The following LARGE1 variants were observed in gnomAD, a reference collection of about 807,000 sequenced individuals.
The protein encoded by LARGE1 is LARGE xylosyl- and glucuronyltransferase 1, also known as xylosyl- and glucuronyltransferase LARGE1.
In LARGE1, 43 loss-of-function variants were observed where a neutral mutation model predicts 87.6. The ratio of observed to expected loss-of-function variants is 0.49; its 90% CI spans 0.38 to 0.63. LARGE1 has a LOEUF of 0.63. LARGE1 is among the 30% of genes least tolerant of loss of function. The pLI is 0.00. For missense variants in LARGE1, 802 were observed against 1,000.2 expected, an observed-to-expected ratio of 0.80 and a Z score of 2.67; for synonymous variants, 434 against 394.6, an observed-to-expected ratio of 1.10 and a Z score of -1.18.
chr22:33,298,290 T>C (rs1402609630), intron 12 of LARGE1, among the ~76,000 whole-genome samples: 1 of 152,210 alleles, frequency 6.6e-6, no homozygotes, highest in Non-Finnish European at 1.5e-5. Flanking sequence ...GCCAGAACTT[T>C]GTCTCCCCTG....
In LARGE1 at chr22:33,236,787, A is replaced by G. The variant is rs547180712; in HGVS notation, c.1730+67442T>C. On this transcript the variant is annotated intron_variant, in intron 11 of 11. Coordinates refer to the LARGE1 transcript ENST00000608642. The stretch of plus-strand genomic sequence containing the variant: ...TAGCCCAAACCTACCAGGAGACCAC[A>G]GGAATTGAGTAGATGTGGCAGCTAC... 2.6e-5 allele frequency among the ~76,000 whole-genome samples: 4 copies of G among 152,332 alleles called. No homozygotes were observed. The South Asian group carries it at 8.3e-4, about 32-fold the overall frequency.
At chr22:33,532,415 A>G (rs1431358199) in intron 6 of LARGE1, among the ~76,000 whole-genome samples, 1 of 152,228 alleles carries the variant, frequency 6.6e-6, no homozygotes, top group Admixed American at 6.5e-5. Context: ...TAGATGTGCA[A>G]GCCCTGACAA....
chr22:33,685,939 G>C (rs922732313), intron 2 of LARGE1, among the ~76,000 whole-genome samples: 3 of 152,196 alleles, frequency 2.0e-5, no homozygotes, highest in African/African-American at 7.2e-5. Context: ...TCAACCAAGA[G>C]ACAAACATGC....
At chr22:33,197,233 C>G (rs1358983250) in intron 11 of LARGE1, among the ~76,000 whole-genome samples, 1 of 151,966 alleles carries the variant, frequency 6.6e-6, no homozygotes, top group East Asian at 1.9e-4. Context: ...GGAAACAAAG[C>G]AAGGATACCT....
chr22:33,774,255 TTGGA>T (rs68022020), intron 1 of LARGE1, among the ~76,000 whole-genome samples: 51,245 of 151,686 alleles, frequency 0.34, 8,833 homozygotes, highest in East Asian at 0.48. Flanking sequence ...ATAGGCTTCC[TTGGA>T]TAAGACAATG....
chr22:33,612,414 T>C (rs2079461267), intron 4 of LARGE1, among the ~76,000 whole-genome samples: 1 of 152,184 alleles, frequency 6.6e-6, no homozygotes, highest in African/African-American at 2.4e-5. Flanking sequence ...AGTTGTTTCT[T>C]TATAGCAACA....
At chr22:33,122,732 A>C in the LARGE1 span, among the ~76,000 whole-genome samples, 3 of 152,226 alleles carry the variant, frequency 2.0e-5, no homozygotes, top group Admixed American at 6.5e-5. Context: ...ATCAAAGGAC[A>C]TGGCCAATTT....
Position 33,468,093 on chromosome 22 carries a change from C to CTAA in LARGE1, c.788-35831_788-35829dup, listed in dbSNP as rs536582749. On this transcript the variant is annotated intron_variant, in intron 6 of 14. Transcript: ENST00000397394. The stretch of plus-strand genomic sequence containing the variant: ...TCATGTTTCCTAGGATGGGGTAATG[C>CTAA]TAATCAACAGCGTTGATGAGCGCAT... 1.6e-4 allele frequency among the ~76,000 whole-genome samples: 25 copies of CTAA among 152,288 alleles called. No individual in the cohort carries two copies. The South Asian group carries it at 1.7e-3, about 10-fold the overall frequency.
intron 1 of LARGE1, among the ~76,000 whole-genome samples, chr22:33,809,970 T>C (rs868660794): frequency 6.6e-6 from 1 of 152,064 alleles, no homozygotes; most frequent in Non-Finnish European, 1.5e-5. Context: ...TCAGTGGTAC[T>C]AGCCACATTT....
At chr22:33,242,707 T>C (rs1926578898) in intron 11 of LARGE1, among the ~76,000 whole-genome samples, 1 of 152,186 alleles carries the variant, frequency 6.6e-6, no homozygotes, top group Non-Finnish European at 1.5e-5. Flanking sequence ...GGGACATGTA[T>C]GAGTTTGCTA....
At chr22:33,224,099 T>C (rs137468) in intron 11 of LARGE1, among the ~76,000 whole-genome samples, 19,403 of 151,904 alleles carry the variant, frequency 0.13, 2,092 homozygotes, top group African/African-American at 0.29. Context: ...TCCTAGCTAA[T>C]GCAGTGAAAT....
chr22:33,117,989 CT>C, the LARGE1 span, among the ~76,000 whole-genome samples: 1 of 152,120 alleles, frequency 6.6e-6, no homozygotes, highest in East Asian at 1.9e-4. Context: ...GCAGTTCAAC[CT>C]TTTGATCATT....
In LARGE1 at chr22:33,304,437, C is replaced by A. The variant is rs770911031; in HGVS notation, c.1522G>T (p.Ala508Ser). The stretch of plus-strand genomic sequence containing the variant: ...TAGCGGAGGAACTGCTGGGCCTCGG[C>A]GTCTGACAGGTAGAGGGCCAGGCTG... Reference protein sequence around the residue: ...PISLALYLSDAEAQQFLRYAQ... With the variant: ...PISLALYLSDSEAQQFLRYAQ... Residue 508 changes from alanine (A) to serine (S), a missense_variant, in exon 12 of 15, where the codon GCC becomes TCC. Coordinates refer to ENST00000397394, the MANE Select transcript of LARGE1 (RefSeq NM_133642.5). The A allele has an allele frequency of 6.2e-7, 1 of 1,614,036 alleles. No homozygotes were observed. Among genetic ancestry groups the A allele is most frequent in the Admixed American group, 1.7e-5 (1 of 60,020 alleles).
At chr22:33,158,030 T>C (rs1021099990), downstream of LARGE1, among the ~76,000 whole-genome samples, 1 of 152,132 alleles carries the variant, frequency 6.6e-6, no homozygotes. Context: ...ATTTAATCAC[T>C]TTAAAATATA....
chr22:33,657,526 C>T (rs900356264), intron 2 of LARGE1, among the ~76,000 whole-genome samples: 1 of 152,096 alleles, frequency 6.6e-6, no homozygotes, highest in South Asian at 2.1e-4. Context: ...ATAAAAGCGG[C>T]CATAGAAATA....
intron 2 of LARGE1, chr22:33,725,478 T>C (rs922717415): frequency 1.3e-5 from 2 of 151,834 alleles, no homozygotes; most frequent in African/African-American, 2.4e-5. Context: ...CAAGGTCATT[T>C]ACCTGTCACC....
At chr22:33,765,707 CAAAAAAAAAAAA>C (rs33943950) in intron 1 of LARGE1, among the ~76,000 whole-genome samples, 1 of 69,906 alleles carries the variant, frequency 1.4e-5, no homozygotes, top group South Asian at 8.0e-4. Context: ...CTCCATCTCA[CAAAAAAAAAAAA>C]AAAAAAAAAA....
rs541495073 is a variant in LARGE1, at chr22:33,229,527, A to G, written c.1731-62695T>C. Among the ~76,000 whole-genome samples the G allele has an allele frequency of 1.0e-3, 159 of 152,318 alleles. 1 individual carries two copies. The South Asian group carries it at 0.012, about 11-fold the overall frequency. On this transcript the variant is annotated intron_variant, in intron 11 of 11. Transcript: ENST00000608642. ...TGTAAACAGTATGGTAGATGTAAATAGATTAGATACAGCCGAAAAGAGACT... is the reference window on the plus strand; with the variant it reads ...TGTAAACAGTATGGTAGATGTAAATGGATTAGATACAGCCGAAAAGAGACT...
intron 6 of LARGE1, among the ~76,000 whole-genome samples, chr22:33,471,405 C>T (rs2068836326): frequency 2.0e-5 from 3 of 152,062 alleles, no homozygotes; most frequent in South Asian, 2.1e-4. Flanking sequence ...CCACAAAGTA[C>T]AAAAACAACT....
Sources: gnomAD v4.1 joint callset for allele counts (sites outside exome capture counted in the v4.1 genomes callset) on GRCh38, gnomAD v4.1.1 for gene constraint, MANE v1.5 for transcripts, NCBI Gene and HGNC (gene_info 2026-07-23, HGNC 2026-07-21) for gene names.